MED13L: variants seen among roughly 807,000 people sequenced by gnomAD.
The protein encoded by MED13L is mediator complex subunit 13L.
A neutral mutation model predicts 220.9 loss-of-function variants in MED13L; 7 were observed. That is an observed-to-expected ratio of 0.03 (90% CI 0.02 to 0.06). The LOEUF is 0.06. Among genes scored for constraint, MED13L ranks in the 10% least tolerant of loss-of-function variants. The pLI, the probability that MED13L is intolerant of heterozygous loss-of-function variation, is 1.00. For missense variants in MED13L, 1,965 were observed against 2,760.5 expected, an observed-to-expected ratio of 0.71 and a Z score of 6.46; for synonymous variants, 1,011 against 1,015.2, an observed-to-expected ratio of 1.00 and a Z score of 0.08.
At chr12:116,005,059 A>C (rs1465328736) in intron 13 of MED13L, among the ~76,000 whole-genome samples, 1 of 152,186 alleles carries the variant, frequency 6.6e-6, no homozygotes. Context: ...AACCTCAATG[A>C]CTAGCCTTAG....
intron 4 of MED13L, among the ~76,000 whole-genome samples, chr12:116,056,285 GT>G (rs71095506): frequency 4.7e-5 from 7 of 149,202 alleles, no homozygotes; most frequent in East Asian, 2.0e-4. Flanking sequence ...TTTTTTGTTT[GT>G]TTTTTTTTTG....
intron 2 of MED13L, chr12:116,236,751 A>G: frequency 1.3e-6 from 1 of 751,234 alleles, no homozygotes; most frequent in Non-Finnish European, 1.6e-6. Context: ...TTCAAAGACA[A>G]CTGATAAAAG....
chr12:116,153,986 A>T (rs933646253), intron 2 of MED13L, among the ~76,000 whole-genome samples: 4 of 152,200 alleles, frequency 2.6e-5, no homozygotes, highest in Non-Finnish European at 2.9e-5. Context: ...TAGTAGGTAT[A>T]ACAACAACAA....
At chr12:116,198,849 A>C (rs1375204637) in intron 2 of MED13L, among the ~76,000 whole-genome samples, 1 of 152,248 alleles carries the variant, frequency 6.6e-6, no homozygotes, top group Non-Finnish European at 1.5e-5. Context: ...AGTAAAATGA[A>C]TTACAGCTGC....
At chr12:116,100,891 A>T (rs761202768) in intron 3 of MED13L, among the ~76,000 whole-genome samples, 15 of 152,218 alleles carry the variant, frequency 9.9e-5, no homozygotes, top group Non-Finnish European at 1.8e-4. Context: ...CCCAGCCTGG[A>T]TGACAGAGTG....
intron 2 of MED13L, among the ~76,000 whole-genome samples, chr12:116,231,141 T>C (rs542972222): frequency 1.3e-5 from 2 of 152,302 alleles, no homozygotes; most frequent in Non-Finnish European, 2.9e-5. Flanking sequence ...TTTCGGTTGG[T>C]TTAAACAGGC....
Position 116,232,684 on chromosome 12 carries a change from T to C in MED13L, c.310+4784A>G, listed in dbSNP as rs139134418. Among the ~76,000 whole-genome samples, 75 of 152,354 alleles carry C rather than the reference T, an allele frequency of 4.9e-4. No homozygotes were observed. In the East Asian group the frequency reaches 8.3e-3, roughly 17 times the overall value. On this transcript the variant is annotated intron_variant, in intron 2 of 30. Coordinates refer to ENST00000281928, the MANE Select transcript of MED13L (RefSeq NM_015335.5). ...ATTTGTAATGCTTTGGGGCAAGCAA[T>C]TGGCAGTTCTGTGCTTGCTCTCTGT...
rs756092906 is a variant in MED13L at position 115,983,412 on chromosome 12, C to T, written c.4660G>A (p.Ala1554Thr). Residue 1554 changes from alanine (A) to threonine (T), a missense_variant, in exon 21 of 31, where the codon GCA becomes ACA. Physicochemically the swap from Ala to Thr is moderately conservative, Grantham distance 58. Coordinates refer to ENST00000281928, the MANE Select transcript of MED13L (RefSeq NM_015335.5). ...NAGPLAPNGS[A>T]APPAGSAFNP... ...AATGCACTGCCAGCTGGGGGAGCTG[C>T]TGATCCATTTGGAGCTAAGGGCCCA... 13 of 1,614,060 alleles carry T rather than the reference C, an allele frequency of 8.1e-6. No individual in the cohort carries two copies. The African/African-American group carries it at 1.6e-4, about 20-fold the overall frequency.
chr12:116,089,924 G>A (rs535830164), intron 4 of MED13L, among the ~76,000 whole-genome samples: 1 of 152,236 alleles, frequency 6.6e-6, no homozygotes, highest in African/African-American at 2.4e-5. Flanking sequence ...CATTTACAAA[G>A]CAGAGGATAA....
At chr12:116,007,348 CAT>C in intron 11 of MED13L, 61 bp downstream of exon 11, 3 of 1,465,538 alleles carry the variant, frequency 2.0e-6, no homozygotes, top group Admixed American at 1.7e-5. Context: ...TCTTCCCACA[CAT>C]GTTGTACTGA....
In MED13L at chr12:116,277,108, C is replaced by A; in HGVS notation, c.24G>T (p.Val8=). Residue 8 remains valine, a synonymous_variant, in exon 1 of 31, where the codon GTG becomes GTT. Transcript: ENST00000281928. ...AATCCTCCAGGCTCGCCCCGTTCGC[C>A]ACCCAGTTCGCTGCCGCAGTCATGA... MTAAANW[V]ANGASLEDCH... 5 of 1,588,956 alleles carry A rather than the reference C, an allele frequency of 3.1e-6. No homozygotes were observed. The highest frequency in any genetic ancestry group is 3.4e-6 in the Non-Finnish European group (4 of 1,169,498).
intron 4 of MED13L, among the ~76,000 whole-genome samples, chr12:116,077,529 T>C (rs1389956649): frequency 6.6e-6 from 1 of 152,052 alleles, no homozygotes; most frequent in Admixed American, 6.6e-5. Context: ...TAAGTAAAAA[T>C]AAAGGAATGG....
intron 2 of MED13L, among the ~76,000 whole-genome samples, chr12:116,162,756 T>C (rs1395594474): frequency 2.6e-5 from 4 of 152,248 alleles, no homozygotes; most frequent in African/African-American, 9.6e-5. Context: ...CACTAATTTG[T>C]ATATACAATT....
intron 4 of MED13L, among the ~76,000 whole-genome samples, chr12:116,035,603 T>TTA (rs1566023008): frequency 1.3e-5 from 2 of 151,882 alleles, no homozygotes; most frequent in African/African-American, 2.4e-5. Flanking sequence ...TTAATTAATT[T>TTA]ATTTAGAGAC....
At chr12:116,052,725 C>T (rs1868613945) in intron 4 of MED13L, among the ~76,000 whole-genome samples, 1 of 152,158 alleles carries the variant, frequency 6.6e-6, no homozygotes, top group Non-Finnish European at 1.5e-5. Flanking sequence ...GCACAAACTG[C>T]TTATATCCTC....
At chr12:116,085,221 A>G (rs140670653) in intron 4 of MED13L, among the ~76,000 whole-genome samples, 21 of 152,332 alleles carry the variant, frequency 1.4e-4, no homozygotes, top group Admixed American at 3.9e-4. Flanking sequence ...GACAGGGCAC[A>G]AAGTCCAACA....
chr12:116,030,280 GTTTT>G (rs576671962), intron 4 of MED13L, among the ~76,000 whole-genome samples: 1 of 149,156 alleles, frequency 6.7e-6, no homozygotes, highest in Non-Finnish European at 1.5e-5. Flanking sequence ...GAAATCAACA[GTTTT>G]TTTTTTAAAG....
chr12:116,005,848 A>C, intron 13 of MED13L, 21 bp downstream of exon 13: 2 of 1,613,642 alleles, frequency 1.2e-6, no homozygotes, highest in Non-Finnish European at 1.7e-6. Context: ...ATTTTTGTTT[A>C]TGTAGCTACG....
intron 2 of MED13L, among the ~76,000 whole-genome samples, chr12:116,191,368 T>C (rs1881269646): frequency 6.6e-6 from 1 of 152,112 alleles, no homozygotes; most frequent in Non-Finnish European, 1.5e-5. Context: ...TCTCACTCTG[T>C]CACCCAGGCT....
Sources: allele counts gnomAD v4.1 joint callset (sites outside exome capture counted in the v4.1 genomes callset), GRCh38; gene constraint gnomAD v4.1.1; transcripts MANE v1.5; gene names NCBI Gene and HGNC (gene_info 2026-07-23, HGNC 2026-07-21).